Variants in PLCH2 observed in about 807,000 individuals in gnomAD.
PLCH2 encodes the protein 1-phosphatidylinositol 4,5-bisphosphate phosphodiesterase eta-2.
PLCH2 carries 98 observed loss-of-function variants against 134.7 expected under a neutral mutation model. The observed-to-expected ratio is 0.73, with a 90% CI of 0.62 to 0.86. PLCH2 has a LOEUF of 0.86. PLCH2 is among the 40% of genes least tolerant of loss of function. The probability of loss-of-function intolerance (pLI) is 0.00; values close to 1 mark genes in which losing one functional copy is unlikely to be tolerated. For missense variants in PLCH2, 1,994 were observed against 1,986.6 expected, an observed-to-expected ratio of 1.00 and a Z score of -0.07; for synonymous variants, 974 against 827.5, an observed-to-expected ratio of 1.18 and a Z score of -3.04.
intron 2 of PLCH2, among the ~76,000 whole-genome samples, chr1:2,451,665 T>C (rs1640232939): frequency 6.6e-6 from 1 of 152,140 alleles, no homozygotes; most frequent in South Asian, 2.1e-4. Context: ...CAGCCACCGT[T>C]GGCAGCAGGG....
upstream of PLCH2, among the ~76,000 whole-genome samples, chr1:2,474,364 G>A (rs1641502367): frequency 6.6e-6 from 1 of 150,510 alleles, no homozygotes; most frequent in Non-Finnish European, 1.5e-5. Flanking sequence ...AGGGCAGGCA[G>A]GGCAGCCCCC....
chr1:2,491,944 C>T (rs1264283977), intron 11 of PLCH2, among the ~76,000 whole-genome samples: 4 of 125,722 alleles, frequency 3.2e-5, no homozygotes, highest in Non-Finnish European at 5.2e-5. Flanking sequence ...CTGTGGCCGG[C>T]AGATCCCGCA....
upstream of PLCH2, among the ~76,000 whole-genome samples, chr1:2,425,534 G>A (rs945623026): frequency 2.0e-5 from 3 of 152,188 alleles, no homozygotes; most frequent in Non-Finnish European, 2.9e-5. Flanking sequence ...GCAGGCTTTA[G>A]ACAGGGTCTG....
chr1:2,505,333 C>T lies in PLCH2; in HGVS notation c.*120C>T. On this transcript the variant is annotated 3_prime_UTR_variant, in exon 22 of 22. Coordinates refer to ENST00000378486, the MANE Select transcript of PLCH2 (RefSeq NM_014638.4). ...TGTGTCCCCCTGGCTGCCCTGTGTCCCCTCCACCCCTGCCTCCCTCCTGCC... is the reference window on the plus strand; with the variant it reads ...TGTGTCCCCCTGGCTGCCCTGTGTCTCCTCCACCCCTGCCTCCCTCCTGCC... 1 of 711,790 alleles carries T rather than the reference C, an allele frequency of 1.4e-6. No homozygotes were observed. The highest frequency in any genetic ancestry group is 1.9e-5 in the South Asian group (1 of 52,758). 44.1% of individuals were successfully genotyped at this position (711,790 alleles called of 1,614,324 possible). A position where few individuals can be genotyped will look rare whatever the true frequency, so the allele number is the denominator to read the frequency against.
chr1:2,484,745 G>A, intron 5 of PLCH2, 127 bp downstream of exon 5: 1 of 982,462 alleles, frequency 1.0e-6, no homozygotes, highest in Non-Finnish European at 1.5e-6. Context: ...GGCCAGGGAT[G>A]GGCTACCTGG....
chr1:2,420,176 C>G, the PLCH2 span, among the ~76,000 whole-genome samples: 1 of 152,096 alleles, frequency 6.6e-6, no homozygotes, highest in Non-Finnish European at 1.5e-5. Flanking sequence ...GCCCCTACCT[C>G]ACATCCCTCT....
upstream of PLCH2, among the ~76,000 whole-genome samples, chr1:2,467,148 G>C (rs906514170): frequency 6.6e-6 from 1 of 151,936 alleles, no homozygotes; most frequent in Non-Finnish European, 1.5e-5. Context: ...GGTCCTGGGG[G>C]TGCAGCCACC....
At position 2,489,824 on chromosome 1, in the gene PLCH2, G is replaced by A. The variant is rs376415854; in HGVS notation, c.1472G>A (p.Ser491Asn). The A allele has an allele frequency of 3.7e-6, 6 of 1,613,638 alleles. No homozygotes were observed. The highest frequency in any genetic ancestry group is 5.1e-6 in the Non-Finnish European group (6 of 1,179,816). ...GAAGGCGAGGTGTCTGATGAGGACAGTGCTGATGAGATTGACGATGACTGC... is the reference window on the plus strand; with the variant it reads ...GAAGGCGAGGTGTCTGATGAGGACAATGCTGATGAGATTGACGATGACTGC... Reference protein sequence around the residue: ...AEEGEVSDEDSADEIDDDCKL... With the variant: ...AEEGEVSDEDNADEIDDDCKL... Residue 491 changes from serine (S) to asparagine (N), a missense_variant, in exon 10 of 22, where the codon AGT becomes AAT. Physicochemically the swap from Ser to Asn is conservative, Grantham distance 46. This residue lies in a region of PLCH2 where 1,094 missense variants were observed against 1,234.3 expected (regional missense o/e 0.89). Transcript: ENST00000378486.
At chr1:2,497,827 C>G in intron 16 of PLCH2, 1 of 509,236 alleles carries the variant, frequency 2.0e-6, no homozygotes, top group Non-Finnish European at 3.5e-6. Context: ...GGCCCAGCTC[C>G]GTCAGGAATC....
chr1:2,504,193 C>T lies in PLCH2; in HGVS notation c.3231C>T (p.Asp1077=), dbSNP rs559308611. The T allele has an allele frequency of 1.2e-4, 182 of 1,546,838 alleles. No homozygotes were observed. Among genetic ancestry groups the T allele is most frequent in the South Asian group, 4.3e-4 (36 of 84,498 alleles). ...AYERAPGSQT[D]GRSQPRTLGH... is the part of the protein sequence containing the mutation. ...AGAGGGCCCCCGGCAGCCAGACGGACGGCAGGAGCCAGCCCCGGACCCTGG... is the reference window on the plus strand; with the variant it reads ...AGAGGGCCCCCGGCAGCCAGACGGATGGCAGGAGCCAGCCCCGGACCCTGG... The change falls in exon 22 of 22, where the codon GAC becomes GAT. Residue 1077 remains aspartate, a synonymous_variant. Transcript: ENST00000378486.
chr1:2,471,341 C>T (rs561346979), upstream of PLCH2, among the ~76,000 whole-genome samples: 13 of 152,152 alleles, frequency 8.5e-5, no homozygotes, highest in African/African-American at 1.7e-4. Flanking sequence ...TGGGCAGGCG[C>T]CCACCTGCAC....
chr1:2,487,726 GCT>G lies in PLCH2; in HGVS notation c.1235+9_1235+10del. On this transcript the variant is annotated intron_variant, in intron 8 of 21. Coordinates refer to ENST00000378486, the MANE Select transcript of PLCH2 (RefSeq NM_014638.4). ...TGCCTTCATCAAGAATGAGTGAGTG[GCT>G]GGGCCTAGCGGGGCTGGCCCCAGAG... is the stretch of plus-strand genomic sequence containing the variant. The G allele has an allele frequency of 6.2e-7, 1 of 1,611,856 alleles. No individual in the cohort carries two copies. The highest frequency in any genetic ancestry group is 8.5e-7 in the Non-Finnish European group (1 of 1,179,254).
intron 10 of PLCH2, among the ~76,000 whole-genome samples, chr1:2,490,542 G>A (rs536073413): frequency 1.4e-4 from 22 of 152,316 alleles, no homozygotes; most frequent in Non-Finnish European, 2.5e-4. Context: ...AGGGAAGGCC[G>A]TTGCTTCCAG....
In PLCH2 at chr1:2,489,290, G is replaced by C; in HGVS notation, c.1319G>C (p.Gly440Ala). 7.4e-6 allele frequency: 12 copies of C among 1,613,822 alleles called. No individual in the cohort carries two copies. The highest frequency in any genetic ancestry group is 1.0e-5 in the Non-Finnish European group (12 of 1,179,838). The change falls in exon 9 of 22, where the codon GGG becomes GCG. Residue 440 changes from glycine (G) to alanine (A), a missense_variant. By Grantham distance (60) the Gly-to-Ala change is moderately conservative. Around this residue, in one of 2 missense-constraint regions of PLCH2, gnomAD observed 1,094 missense variants for 1,234.3 expected, o/e 0.89. Transcript: ENST00000378486. ...GCCCAGTATCTGACTGACATCCTTG[G>C]GGACAAGCTGGACCTGTCATCAGTG... ...KMAQYLTDIL[G>A]DKLDLSSVSS...
intron 4 of PLCH2, among the ~76,000 whole-genome samples, chr1:2,483,750 T>TGTTGACCCCCGTGTGGGAGGC: frequency 1.1e-5 from 1 of 87,648 alleles, no homozygotes; most frequent in African/African-American, 3.9e-5. Context: ...CAGAGTGTGT[T>TGTTGACCCCCGTGTGGGAGGC]GTTGACCCCC....
intron 1 of PLCH2, among the ~76,000 whole-genome samples, chr1:2,428,356 C>A (rs1244567021): frequency 1.3e-5 from 2 of 152,216 alleles, no homozygotes; most frequent in African/African-American, 4.8e-5. Flanking sequence ...ACCTGTAGGC[C>A]CTCTCCAGCT....
intron 2 of PLCH2, among the ~76,000 whole-genome samples, chr1:2,434,777 C>G (rs1317174776): frequency 6.6e-6 from 1 of 152,222 alleles, no homozygotes; most frequent in Non-Finnish European, 1.5e-5. Flanking sequence ...AAGCTCCTCT[C>G]CCTGGTGCCA....
chr1:2,486,041 G>A (rs537824615), intron 5 of PLCH2, among the ~76,000 whole-genome samples: 102 of 152,276 alleles, frequency 6.7e-4, no homozygotes, highest in Non-Finnish European at 1.1e-3. Flanking sequence ...CCACTGTCTC[G>A]GATGCCCTGT....
intron 13 of PLCH2, 29 bp downstream of exon 13, chr1:2,495,599 C>T (rs532288923): frequency 4.2e-4 from 622 of 1,495,426 alleles, no homozygotes; most frequent in Non-Finnish European, 5.2e-4. Context: ...GGGGAGGCCC[C>T]GCACACTCCT....
Sources: gnomAD v4.1 joint callset for allele counts (sites outside exome capture counted in the v4.1 genomes callset) on GRCh38, gnomAD v4.1.1 for gene constraint, gnomAD v4.1.1 regional missense constraint, MANE v1.5 for transcripts, NCBI Gene and HGNC (gene_info 2026-07-23, HGNC 2026-07-21) for gene names.